TBL1XR1: variants seen among roughly 807,000 people sequenced by gnomAD.
The protein encoded by TBL1XR1 is F-box-like/WD repeat-containing protein TBL1XR1.
Under a neutral mutation model 66.9 loss-of-function variants are expected in TBL1XR1, and 5 were observed. The ratio of observed to expected loss-of-function variants is 0.07; its 90% CI spans 0.04 to 0.16. The LOEUF (loss-of-function observed/expected upper bound fraction) is 0.16, where lower values mean the gene tolerates loss of function less well. TBL1XR1 is among the 10% of genes least tolerant of loss of function. The probability of loss-of-function intolerance (pLI) is 1.00; values close to 1 mark genes in which losing one functional copy is unlikely to be tolerated. For synonymous variants in TBL1XR1, 210 were observed against 206.0 expected (o/e 1.02, Z -0.17); for missense variants, 238 against 623.2 (o/e 0.38, Z 6.58).
intron 1 of TBL1XR1, among the ~76,000 whole-genome samples, chr3:177,145,745 T>C (rs1193823068): frequency 1.3e-5 from 2 of 152,228 alleles, no homozygotes; most frequent in Admixed American, 6.5e-5. Context: ...ATAATAAAGT[T>C]TTGGTCAAAA....
At chr3:177,161,594 C>T (rs1732217383) in intron 1 of TBL1XR1, among the ~76,000 whole-genome samples, 1 of 151,938 alleles carries the variant, frequency 6.6e-6, no homozygotes, top group Non-Finnish European at 1.5e-5. Context: ...ACCAGCCTGG[C>T]CAACTTGGTG....
chr3:177,145,921 G>A (rs1730183850), intron 1 of TBL1XR1, among the ~76,000 whole-genome samples: 2 of 152,194 alleles, frequency 1.3e-5, no homozygotes, highest in Non-Finnish European at 2.9e-5. Flanking sequence ...AAGTCTGATG[G>A]AGATCCCAGG....
chr3:177,156,591 A>AT (rs752194522), intron 1 of TBL1XR1, among the ~76,000 whole-genome samples: 1,494 of 148,642 alleles, frequency 0.01, 24 homozygotes, highest in Non-Finnish European at 0.012. Flanking sequence ...ATATATATAT[A>AT]AAATTCTGAC....
intron 1 of TBL1XR1, among the ~76,000 whole-genome samples, chr3:177,173,103 C>G (rs1289427515): frequency 6.6e-6 from 1 of 152,194 alleles, no homozygotes; most frequent in Non-Finnish European, 1.5e-5. Context: ...AGGAGAATCG[C>G]TTGAACCTGG....
intron 1 of TBL1XR1, among the ~76,000 whole-genome samples, chr3:177,147,786 T>C (rs1246024031): frequency 6.6e-6 from 1 of 152,210 alleles, no homozygotes; most frequent in African/African-American, 2.4e-5. Flanking sequence ...CCATTCCTGA[T>C]GTCCACAGGA....
intron 2 of TBL1XR1, chr3:177,079,346 T>G (rs1003209470): frequency 1.3e-5 from 2 of 151,084 alleles, no homozygotes; most frequent in African/African-American, 2.4e-5. Flanking sequence ...AGCAGGAGAA[T>G]GTCGTGAACT....
rs140925182 is a variant in TBL1XR1 at position 177,124,443 on chromosome 3, TAGAC to T, written c.-121-25906_-121-25903del. Among the ~76,000 whole-genome samples the T allele has an allele frequency of 3.0e-3, 457 of 152,270 alleles. 1 individual carries two copies. Among genetic ancestry groups the T allele is most frequent in the African/African-American group, 7.0e-3 (291 of 41,592 alleles). ...AATTGGCACTACTTTACCAAGTTAT[TAGAC>T]AGTTCTATTAGTAATTATTTGAAAA... is the stretch of plus-strand genomic sequence containing the variant. On this transcript the variant is annotated intron_variant, in intron 1 of 15. Coordinates refer to ENST00000457928, the MANE Select transcript of TBL1XR1 (RefSeq NM_024665.7).
At chr3:177,188,116 G>A (rs1735671844) in intron 1 of TBL1XR1, among the ~76,000 whole-genome samples, 1 of 151,984 alleles carries the variant, frequency 6.6e-6, no homozygotes, top group East Asian at 2.0e-4. Flanking sequence ...ATTTTTAGTA[G>A]AGACGGGGTT....
chr3:177,193,030 G>A (rs1242511521), intron 1 of TBL1XR1, among the ~76,000 whole-genome samples: 1 of 151,920 alleles, frequency 6.6e-6, no homozygotes, highest in African/African-American at 2.4e-5. Context: ...GCAAGCACCT[G>A]TAATCCCAGC....
At chr3:177,085,404 T>C (rs1023537427) in intron 2 of TBL1XR1, among the ~76,000 whole-genome samples, 1 of 152,178 alleles carries the variant, frequency 6.6e-6, no homozygotes, top group Non-Finnish European at 1.5e-5. Flanking sequence ...TCAATGTTAA[T>C]TGCTTGCTTT....
intron 1 of TBL1XR1, among the ~76,000 whole-genome samples, chr3:177,132,305 GA>G (rs1459328282): frequency 6.6e-6 from 1 of 152,142 alleles, no homozygotes; most frequent in Non-Finnish European, 1.5e-5. Context: ...CCTGATCCAA[GA>G]AAGAAAGATA....
At chr3:177,090,181 T>C (rs997414383) in intron 2 of TBL1XR1, among the ~76,000 whole-genome samples, 1 of 152,206 alleles carries the variant, frequency 6.6e-6, no homozygotes, top group Non-Finnish European at 1.5e-5. Context: ...TGAAGTGATC[T>C]CCAGAATATT....
chr3:177,038,135 T>C lies in TBL1XR1; in HGVS notation c.1085A>G (p.Asn362Ser), dbSNP rs770659513. Residue 362 changes from asparagine (N) to serine (S), a missense_variant, in exon 12 of 16, where the codon AAT becomes AGT. By Grantham distance (46) the Asn-to-Ser change is conservative. Coordinates refer to ENST00000457928, the MANE Select transcript of TBL1XR1 (RefSeq NM_024665.7). The stretch of plus-strand genomic sequence containing the variant: ...GTCGTCAGAACAGGAGGCCAAGAGA[T>C]TGCCAGTTGGGTCCCATTTGATAGC... The part of the protein sequence containing the change: ...VNAIKWDPTG[N>S]LLASCSDDMT... The C allele has an allele frequency of 6.2e-7, 1 of 1,613,090 alleles. No homozygotes were observed. The highest frequency in any genetic ancestry group is 1.1e-5 in the South Asian group (1 of 91,030).
At chr3:177,112,107 A>ATATATATATATATATATATATTTTTT in intron 1 of TBL1XR1, among the ~76,000 whole-genome samples, 1 of 37,652 alleles carries the variant, frequency 2.7e-5, no homozygotes, top group Non-Finnish European at 4.5e-5. Context: ...ATATATATAT[A>ATATATATATATATATATATATTTTTT]TTTTTTTTTT....
At chr3:177,059,812 G>A (rs1718279672) in intron 3 of TBL1XR1, among the ~76,000 whole-genome samples, 1 of 152,212 alleles carries the variant, frequency 6.6e-6, no homozygotes, top group Non-Finnish European at 1.5e-5. Context: ...ACTAGAAGAG[G>A]TAGATCCACC....
intron 1 of TBL1XR1, among the ~76,000 whole-genome samples, chr3:177,118,141 T>C (rs1726536232): frequency 6.6e-6 from 1 of 152,218 alleles, no homozygotes; most frequent in South Asian, 2.1e-4. Flanking sequence ...AAGCAATGAC[T>C]ACCCACATTC....
At chr3:177,185,400 G>A (rs1460546854) in intron 1 of TBL1XR1, among the ~76,000 whole-genome samples, 2 of 152,114 alleles carry the variant, frequency 1.3e-5, no homozygotes, top group East Asian at 3.9e-4. Context: ...CTTGAGGTCA[G>A]GATTTCAAGA....
Position 177,053,844 on chromosome 3 carries a change from G to GGAC in TBL1XR1, c.130_132dup (p.Val44dup). ...ATGATAGAAATCAATGCAGCGGGTG[G>GGAC]GACGAGGGCACCATTTATATTGGAC... On this transcript the variant is annotated inframe_insertion, in exon 4 of 16. Transcript: ENST00000457928. 6.2e-7 allele frequency: 1 copy of GGAC among 1,613,634 alleles called. No individual in the cohort carries two copies. Among genetic ancestry groups the GGAC allele is most frequent in the Non-Finnish European group, 8.5e-7 (1 of 1,179,740 alleles).
intron 3 of TBL1XR1, among the ~76,000 whole-genome samples, chr3:177,063,923 ATCTCAGCAAGCAACAGGCTCTCAGACC>A (rs1409628934): frequency 2.6e-5 from 4 of 152,194 alleles, no homozygotes; most frequent in Non-Finnish European, 5.9e-5. Flanking sequence ...AGCTGGGAAC[ATCTCAGCAAGCAACAGGCTCTCAGACC>A]GAAAGCCATG....
Sources: allele counts gnomAD v4.1 joint callset (sites outside exome capture counted in the v4.1 genomes callset), GRCh38; gene constraint gnomAD v4.1.1; transcripts MANE v1.5; gene names NCBI Gene and HGNC (gene_info 2026-07-23, HGNC 2026-07-21).